KCNIP4: variants seen among roughly 807,000 people sequenced by gnomAD.
KCNIP4 encodes Kv channel-interacting protein 4.
A neutral mutation model predicts 34.0 loss-of-function variants in KCNIP4; 12 were observed. The observed-to-expected ratio is 0.35, with a 90% CI of 0.23 to 0.57. KCNIP4 has a LOEUF of 0.57. Among genes scored for constraint, KCNIP4 ranks in the 20% least tolerant of loss-of-function variants. The pLI is 0.83. For synonymous variants in KCNIP4, 124 were observed against 102.2 expected (o/e 1.21, Z -1.29); for missense variants, 238 against 311.7 (o/e 0.76, Z 1.78).
At chr4:21,695,459 A>G (rs1213152398) in intron 1 of KCNIP4, among the ~76,000 whole-genome samples, 1 of 152,020 alleles carries the variant, frequency 6.6e-6, no homozygotes, top group Non-Finnish European at 1.5e-5. Context: ...TGGTTCAAAA[A>G]GAAGAAAGCA....
chr4:21,422,659 T>TTGTGTGTG (rs3083787), intron 1 of KCNIP4, among the ~76,000 whole-genome samples: 9 of 147,624 alleles, frequency 6.1e-5, no homozygotes, highest in East Asian at 2.0e-4. Context: ...ATGTGTGTGT[T>TTGTGTGTG]TGTGTGTGTG....
At chr4:21,381,296 C>G (rs1721480682) in intron 1 of KCNIP4, among the ~76,000 whole-genome samples, 1 of 152,146 alleles carries the variant, frequency 6.6e-6, no homozygotes, top group Non-Finnish European at 1.5e-5. Context: ...CTATACCTCT[C>G]CAGGAGGAAC....
intron 1 of KCNIP4, among the ~76,000 whole-genome samples, chr4:21,860,515 A>G (rs1166452221): frequency 1.3e-5 from 2 of 152,092 alleles, no homozygotes; most frequent in East Asian, 3.8e-4. Flanking sequence ...CTTTTTTCCC[A>G]TTTTTGCTAA....
intron 1 of KCNIP4, among the ~76,000 whole-genome samples, chr4:21,739,742 A>C (rs943090680): frequency 1.3e-5 from 2 of 152,106 alleles, no homozygotes; most frequent in Non-Finnish European, 2.9e-5. Flanking sequence ...AATATTTGTC[A>C]GGTTGTCTTG....
intron 1 of KCNIP4, chr4:21,303,684 C>T (rs1015339124): frequency 9.1e-6 from 6 of 662,578 alleles, no homozygotes; most frequent in Middle Eastern, 2.8e-4. Context: ...AACCTGGCTT[C>T]CTTCATGTCC....
chr4:21,080,005 A>G (rs758271787), intron 1 of KCNIP4, among the ~76,000 whole-genome samples: 3 of 151,874 alleles, frequency 2.0e-5, no homozygotes, highest in Non-Finnish European at 2.9e-5. Context: ...TGAACTGCAA[A>G]ACTGAAAGAT....
chr4:21,868,276 C>T (rs868861526), intron 1 of KCNIP4, among the ~76,000 whole-genome samples: 20 of 152,152 alleles, frequency 1.3e-4, no homozygotes, highest in Admixed American at 1.3e-3. Context: ...AAAAACTGTA[C>T]TATTTCCAAT....
chr4:21,603,591 C>T (rs769910314), intron 1 of KCNIP4, among the ~76,000 whole-genome samples: 19 of 152,026 alleles, frequency 1.2e-4, no homozygotes, highest in Non-Finnish European at 1.2e-4. Context: ...GGTACCTTGC[C>T]GGCTAAGCTA....
At chr4:21,039,724 G>A (rs1241870178) in intron 1 of KCNIP4, among the ~76,000 whole-genome samples, 1 of 152,144 alleles carries the variant, frequency 6.6e-6, no homozygotes, top group East Asian at 1.9e-4. Context: ...GCTCCTGGGA[G>A]TGATCTTTTG....
chr4:20,973,995 C>G (rs753563397), intron 1 of KCNIP4, among the ~76,000 whole-genome samples: 1 of 151,810 alleles, frequency 6.6e-6, no homozygotes, highest in Non-Finnish European at 1.5e-5. Context: ...TTTGAAATAC[C>G]GTAAAAAATT....
intron 8 of KCNIP4, chr4:20,731,446 T>C: frequency 2.0e-6 from 2 of 985,394 alleles, no homozygotes; most frequent in Non-Finnish European, 2.4e-6. Context: ...ACTGGTTTCT[T>C]TGATAACAGG....
chr4:21,618,530 ATTCTCTCTTTCTCC>A (rs1744755320), intron 1 of KCNIP4, among the ~76,000 whole-genome samples: 1 of 147,956 alleles, frequency 6.8e-6, no homozygotes, highest in Admixed American at 6.7e-5. Context: ...TGGTTTTTGC[ATTCTCTCTTTCTCC>A]TTCTCTCTTT....
At chr4:21,891,509 G>C (rs1285381934) in intron 1 of KCNIP4, among the ~76,000 whole-genome samples, 1 of 152,032 alleles carries the variant, frequency 6.6e-6, no homozygotes, top group Non-Finnish European at 1.5e-5. Context: ...AGTACATATG[G>C]GCACACCCTC....
intron 2 of KCNIP4, among the ~76,000 whole-genome samples, chr4:20,863,202 A>C (rs1342167096): frequency 6.6e-6 from 1 of 152,126 alleles, no homozygotes; most frequent in Non-Finnish European, 1.5e-5. Flanking sequence ...GGAGTTTTTA[A>C]GGATAATTTG....
rs1265548256 is a variant in KCNIP4 at position 21,234,227 on chromosome 4, T to C, written c.62-351518A>G. Among the ~76,000 whole-genome samples the C allele has an allele frequency of 2.9e-3, 133 of 46,404 alleles. 6 individuals carry two copies. The highest frequency in any genetic ancestry group is 3.6e-3 in the Non-Finnish European group (98 of 27,518). 30.4% of individuals were successfully genotyped at this position (46,404 alleles called of 152,430 possible). A position where few individuals can be genotyped will look rare whatever the true frequency, so the allele number is the denominator to read the frequency against. ...TATATAACGTATATTATATATAACATATATAACATATATATAACATATATT... is the reference window on the plus strand; with the variant it reads ...TATATAACGTATATTATATATAACACATATAACATATATATAACATATATT... On this transcript the variant is annotated intron_variant, in intron 1 of 8. Coordinates refer to ENST00000382152, the MANE Select transcript of KCNIP4 (RefSeq NM_025221.6).
chr4:21,253,150 T>C lies in KCNIP4; in HGVS notation c.62-370441A>G, dbSNP rs149206177. Among the ~76,000 whole-genome samples the C allele has an allele frequency of 6.4e-3, 974 of 152,318 alleles. 5 individuals are homozygous for C. The highest frequency in any genetic ancestry group is 0.017 in the Middle Eastern group (5 of 294). On this transcript the variant is annotated intron_variant, in intron 1 of 8. Coordinates refer to ENST00000382152, the MANE Select transcript of KCNIP4 (RefSeq NM_025221.6). ...GTCTGACGCTGAATGTGCTTTATCA[T>C]TAAAATAATTTCTACGGCAATTTCT...
chr4:21,421,606 G>T (rs1725457522), intron 1 of KCNIP4, among the ~76,000 whole-genome samples: 1 of 152,270 alleles, frequency 6.6e-6, no homozygotes, highest in African/African-American at 2.4e-5. Flanking sequence ...AATGGTGGTT[G>T]CTAGGGGCTG....
At chr4:21,734,051 C>T (rs551640497) in intron 1 of KCNIP4, among the ~76,000 whole-genome samples, 5 of 152,172 alleles carry the variant, frequency 3.3e-5, no homozygotes, top group Middle Eastern at 3.4e-3. Context: ...CAGGACAGGG[C>T]GCTGGTAGGA....
intron 1 of KCNIP4, among the ~76,000 whole-genome samples, chr4:20,988,747 A>G (rs1383670398): frequency 1.3e-5 from 2 of 152,226 alleles, no homozygotes; most frequent in East Asian, 1.9e-4. Context: ...GTCCTTTGGC[A>G]TAAGGGTTAT....
Sources: allele counts gnomAD v4.1 joint callset (sites outside exome capture counted in the v4.1 genomes callset), GRCh38; gene constraint gnomAD v4.1.1; transcripts MANE v1.5; gene names NCBI Gene and HGNC (gene_info 2026-07-23, HGNC 2026-07-21).